ITGA2B: variants seen among roughly 807,000 people sequenced by gnomAD.
The protein encoded by ITGA2B is integrin alpha-IIb.
A neutral mutation model predicts 142.0 loss-of-function variants in ITGA2B; 91 were observed. The ratio of observed to expected loss-of-function variants is 0.64; its 90% CI spans 0.54 to 0.76. The LOEUF is 0.76. Among genes scored for constraint, ITGA2B ranks in the 30% least tolerant of loss-of-function variants. ITGA2B has a pLI of 0.00. For synonymous variants in ITGA2B, 536 were observed against 567.2 expected (o/e 0.94, Z 0.78); for missense variants, 1,231 against 1,350.8 (o/e 0.91, Z 1.39).
chr17:44,384,890 ACC>A, intron 7 of ITGA2B, 56 bp downstream of exon 7: 1 of 1,608,404 alleles, frequency 6.2e-7, no homozygotes, highest in Non-Finnish European at 8.5e-7. Flanking sequence ...GCAGGACCTG[ACC>A]GTCTGCGGTG....
rs2048585662 is a variant in ITGA2B at position 44,380,476 on chromosome 17, A to G, written c.1454T>C (p.Val485Ala). ...QVAVYRAQPV[V>A]KASVQLLVQD... ...CACCAGTAGCTGGACAGAGGCCTTC[A>G]CCACTGGCTGAGCTCTGATGGGATA... Residue 485 changes from valine (V) to alanine (A), a missense_variant, in exon 15 of 30, where the codon GTG becomes GCG. Physicochemically the swap from Val to Ala is moderately conservative, Grantham distance 64. Transcript: ENST00000262407. 6.2e-7 allele frequency: 1 copy of G among 1,613,892 alleles called. No individual in the cohort carries two copies. The highest frequency in any genetic ancestry group is 8.5e-7 in the Non-Finnish European group (1 of 1,179,986).
At chr17:44,374,062 C>T (rs771277802) in intron 29 of ITGA2B, 3 of 389,408 alleles carry the variant, frequency 7.7e-6, no homozygotes, top group Non-Finnish European at 1.5e-5. Context: ...TGTGTCAACA[C>T]GCCCGGCTAA....
At chr17:44,378,742 T>G (rs912804231) in intron 18 of ITGA2B, 32 bp from the exon 19 acceptor site, 26 of 1,549,128 alleles carry the variant, frequency 1.7e-5, no homozygotes, top group Non-Finnish European at 2.2e-5. Flanking sequence ...TGCGGGTAAG[T>G]TGGGGATGTG....
In ITGA2B at chr17:44,385,563, C is replaced by G; in HGVS notation, c.562G>C (p.Glu188Gln). ...AGCTGGCGCTTACTAAAATCATTTT[C>G]CACGTAAATGCGGCTCAGGGTGTTC... The part of the protein sequence containing the change: ...RGNTLSRIYV[E>Q]NDFSWDKRYC... Residue 188 changes from glutamate (E) to glutamine (Q), a missense_variant, in exon 4 of 30, where the codon GAA becomes CAA. This residue lies in a region of ITGA2B where 318 missense variants were observed against 312.2 expected (regional missense o/e 1.02). Transcript: ENST00000262407. The G allele has an allele frequency of 1.3e-6, 2 of 1,587,940 alleles. No homozygotes were observed. Among genetic ancestry groups the G allele is most frequent in the Non-Finnish European group, 1.7e-6 (2 of 1,170,340 alleles).
chr17:44,379,832 G>A lies in ITGA2B; in HGVS notation c.1753-18C>T. 1.2e-6 allele frequency: 2 copies of A among 1,613,742 alleles called. No homozygotes were observed. The highest frequency in any genetic ancestry group is 1.7e-6 in the Non-Finnish European group (2 of 1,179,958). The stretch of plus-strand genomic sequence containing the variant: ...GCCTCATCCTAGGACAGGGGCAAGA[G>A]TCAGGCCATCTTGCTACCATACACA... On this transcript the variant is annotated intron_variant, in intron 17 of 29. Transcript: ENST00000262407.
Position 44,374,986 on chromosome 17 carries a change from G to T in ITGA2B, c.2841+12C>A. ...AGAAGGCCCGGCCCCGCCCCACCAC[G>T]GCCCACCCCACCTGGTAGAGGCTGG... is the stretch of plus-strand genomic sequence containing the variant. On this transcript the variant is annotated intron_variant, in intron 27 of 29. Transcript: ENST00000262407. 1.6e-6 allele frequency: 1 copy of T among 643,516 alleles called. No homozygotes were observed. The highest frequency in any genetic ancestry group is 2.4e-6 in the Non-Finnish European group (1 of 409,552). 39.9% of individuals were successfully genotyped at this position (643,516 alleles called of 1,614,324 possible).
Position 44,380,622 on chromosome 17 carries a change from C to A in ITGA2B, c.1417G>T (p.Ala473Ser). Reference sequence around the variant, plus strand: ...CACCTGTACACAGCCACCTGGTTGGCCCCGTAAGCTCCCACGATCAGGTCT... The same window carrying A: ...CACCTGTACACAGCCACCTGGTTGGACCCGTAAGCTCCCACGATCAGGTCT... ...YPDLIVGAYG[A>S]NQVAVYRAQP... is the part of the protein sequence containing the mutation. The change falls in exon 14 of 30, where the codon GCC becomes TCC. Residue 473 changes from alanine (A) to serine (S), a missense_variant. By Grantham distance (99) the Ala-to-Ser change is moderately conservative. Around this residue, in one of 3 missense-constraint regions of ITGA2B, gnomAD observed 908 missense variants for 1,021.1 expected, o/e 0.89. Coordinates refer to ENST00000262407, the MANE Select transcript of ITGA2B (RefSeq NM_000419.5). 6.2e-7 allele frequency: 1 copy of A among 1,614,208 alleles called. No individual in the cohort carries two copies. Among genetic ancestry groups the A allele is most frequent in the South Asian group, 1.1e-5 (1 of 91,084 alleles).
intron 18 of ITGA2B, 55 bp from the exon 19 acceptor site, chr17:44,378,765 A>T: frequency 6.7e-7 from 1 of 1,498,266 alleles, no homozygotes; most frequent in Non-Finnish European, 9.1e-7. Flanking sequence ...AGGTTTAGGG[A>T]TTACATCAGG....
At chr17:44,387,064 A>C (rs2048655677) in intron 1 of ITGA2B, among the ~76,000 whole-genome samples, 1 of 151,466 alleles carries the variant, frequency 6.6e-6, no homozygotes, top group South Asian at 2.1e-4. Flanking sequence ...TCTGGCCCAT[A>C]ATATTTTTTT....
chr17:44,377,559 TCACCCAA>T, intron 21 of ITGA2B, 132 bp downstream of exon 21: 1 of 696,504 alleles, frequency 1.4e-6, no homozygotes, highest in Non-Finnish European at 2.6e-6. Flanking sequence ...GGAAAGTCAC[TCACCCAA>T]GGACATGTGG....
chr17:44,384,724 A>C, intron 7 of ITGA2B, 139 bp from the exon 8 acceptor site: 1 of 1,268,638 alleles, frequency 7.9e-7, no homozygotes. Flanking sequence ...TCGAGGGGCC[A>C]AGCCCTGCCC....
At position 44,386,100 on chromosome 17, in the gene ITGA2B, G is replaced by A. The variant is rs2048646852; in HGVS notation, c.220C>T (p.Leu74=). The A allele has an allele frequency of 1.9e-6, 3 of 1,606,116 alleles. No individual in the cohort carries two copies. Among genetic ancestry groups the A allele is most frequent in the Non-Finnish European group, 2.5e-6 (3 of 1,178,150 alleles). ...CCCGTCTCCTCCTGGCTGGGGCCCA[G>A]GGTCCGCGGGGCGCCCACCACGATG... The part of the protein sequence containing the change: ...VAIVVGAPRT[L]GPSQEETGGV... The change falls in exon 2 of 30, where the codon CTG becomes TTG. Residue 74 remains leucine (L), a synonymous_variant. Transcript: ENST00000262407.
At chr17:44,378,075 T>G in intron 20 of ITGA2B, among the ~76,000 whole-genome samples, 1 of 152,218 alleles carries the variant, frequency 6.6e-6, no homozygotes, top group East Asian at 1.9e-4. Context: ...TATGTGAGTG[T>G]GAGTCAATAT....
chr17:44,385,107 C>T, intron 6 of ITGA2B, 31 bp from the exon 7 acceptor site: 3 of 1,614,030 alleles, frequency 1.9e-6, no homozygotes, highest in African/African-American at 1.3e-5. Context: ...GGTGTGAAGC[C>T]CAAAGCGGTC....
intron 12 of ITGA2B, among the ~76,000 whole-genome samples, chr17:44,382,724 T>C (rs1034121392): frequency 1.3e-5 from 2 of 151,916 alleles, no homozygotes; most frequent in Admixed American, 6.6e-5. Context: ...CCCCACCTAA[T>C]TGTATCTTGC....
intron 18 of ITGA2B, 114 bp from the exon 19 acceptor site, chr17:44,378,824 G>A: frequency 1.1e-6 from 1 of 882,162 alleles, no homozygotes; most frequent in South Asian, 1.5e-5. Flanking sequence ...TAGGGAGTAA[G>A]AAGATCTGAG....
At position 44,386,101 on chromosome 17, in the gene ITGA2B, G is replaced by T. The variant is rs1204351913; in HGVS notation, c.219C>A (p.Thr73=). The T allele has an allele frequency of 1.2e-6, 2 of 1,606,166 alleles. No individual in the cohort carries two copies. The highest frequency in any genetic ancestry group is 1.7e-6 in the Non-Finnish European group (2 of 1,178,182). ...RVAIVVGAPR[T]LGPSQEETGG... is the part of the protein sequence containing the mutation. ...CCGTCTCCTCCTGGCTGGGGCCCAG[G>T]GTCCGCGGGGCGCCCACCACGATGG... Residue 73 remains threonine, a synonymous_variant, in exon 2 of 30, where the codon ACC becomes ACA. Coordinates refer to ENST00000262407, the MANE Select transcript of ITGA2B (RefSeq NM_000419.5).
At chr17:44,378,270 A>AGAGAAGAGGGACTCTCAGGGAGG in intron 20 of ITGA2B, 92 bp downstream of exon 20, 2 of 1,459,046 alleles carry the variant, frequency 1.4e-6, no homozygotes, top group East Asian at 4.7e-5. Flanking sequence ...GCAAAGCAGA[A>AGAGAAGAGGGACTCTCAGGGAGG]GAGAAGAGGG....
rs770533843 is a variant in ITGA2B, at chr17:44,384,600, G to T, written c.800-15C>A. On this transcript the variant is annotated splice_polypyrimidine_tract_variant and intron_variant, in intron 7 of 29. Coordinates refer to ENST00000262407, the MANE Select transcript of ITGA2B (RefSeq NM_000419.5). ...CACCGAGTACCCTGAGGACAAGGGC[G>T]CAAATTAGTCTTTTCCAGGGGAGGA... 1 of 1,613,896 alleles carries T rather than the reference G, an allele frequency of 6.2e-7. No individual in the cohort carries two copies. The highest frequency in any genetic ancestry group is 8.5e-7 in the Non-Finnish European group (1 of 1,179,956).
Sources: gnomAD v4.1 joint callset for allele counts (sites outside exome capture counted in the v4.1 genomes callset) on GRCh38, gnomAD v4.1.1 for gene constraint, gnomAD v4.1.1 regional missense constraint, MANE v1.5 for transcripts, NCBI Gene and HGNC (gene_info 2026-07-23, HGNC 2026-07-21) for gene names.